The following KDM4B variants were observed in gnomAD, a reference collection of about 807,000 sequenced individuals.
KDM4B encodes lysine-specific demethylase 4B.
In KDM4B, 32 loss-of-function variants were observed where a neutral mutation model predicts 125.2. The observed-to-expected ratio is 0.26, with a 90% CI of 0.19 to 0.34. The LOEUF is 0.34. KDM4B is among the 10% of genes least tolerant of loss of function. The pLI is 1.00. For missense variants in KDM4B, 1,190 were observed against 1,577.7 expected (o/e 0.75, Z 4.16); for synonymous variants, 721 against 677.9 (o/e 1.06, Z -0.99).
intron 6 of KDM4B, among the ~76,000 whole-genome samples, chr19:5,055,567 C>T (rs982542064): frequency 9.9e-5 from 15 of 151,492 alleles, no homozygotes; most frequent in Admixed American, 3.9e-4. Flanking sequence ...TGATGGGGGC[C>T]GGGTGGGCAC....
At chr19:5,121,469 G>A (rs1013780707) in intron 11 of KDM4B, among the ~76,000 whole-genome samples, 3 of 152,174 alleles carry the variant, frequency 2.0e-5, no homozygotes, top group African/African-American at 7.2e-5. Flanking sequence ...ACAGGCAGCC[G>A]CCTGGTGACT....
chr19:5,017,343 A>G (rs1206705732), intron 2 of KDM4B, among the ~76,000 whole-genome samples: 1 of 152,172 alleles, frequency 6.6e-6, no homozygotes, highest in Non-Finnish European at 1.5e-5. Context: ...GTTTTTATAA[A>G]TAAAGTTTTA....
chr19:5,133,245 C>G (rs769099515), intron 13 of KDM4B, among the ~76,000 whole-genome samples: 1 of 152,168 alleles, frequency 6.6e-6, no homozygotes, highest in South Asian at 2.1e-4. Flanking sequence ...GAGACCGCCG[C>G]GGCTTCTCAG....
At chr19:5,087,315 G>T (rs1459313802) in intron 9 of KDM4B, among the ~76,000 whole-genome samples, 1 of 152,234 alleles carries the variant, frequency 6.6e-6, no homozygotes. Context: ...GCAGGAGGAG[G>T]CCTGGTGGCC....
chr19:5,045,618 G>T (rs2037001001), intron 5 of KDM4B, among the ~76,000 whole-genome samples: 1 of 151,722 alleles, frequency 6.6e-6, no homozygotes, highest in African/African-American at 2.4e-5. Context: ...TGGAACTACG[G>T]TGCCCACCAC....
intron 3 of KDM4B, among the ~76,000 whole-genome samples, chr19:5,033,468 T>C (rs146170925): frequency 1.3e-5 from 2 of 152,214 alleles, no homozygotes; most frequent in African/African-American, 4.8e-5. Flanking sequence ...TGGTCCCAGC[T>C]ATTTGGGAGG....
At chr19:4,975,593 ATTT>A (rs10674194) in intron 1 of KDM4B, among the ~76,000 whole-genome samples, 2 of 138,302 alleles carry the variant, frequency 1.4e-5, no homozygotes, top group African/African-American at 2.7e-5. Flanking sequence ...GAGTGAATGA[ATTT>A]TTTTTTTTTT....
intron 6 of KDM4B, among the ~76,000 whole-genome samples, chr19:5,058,849 G>A (rs1055970705): frequency 2.6e-5 from 4 of 152,326 alleles, no homozygotes; most frequent in East Asian, 1.9e-4. Context: ...CAAACCTGGC[G>A]CCCGCTTCCA....
chr19:5,118,032 G>A (rs1034573546), intron 10 of KDM4B, among the ~76,000 whole-genome samples: 2 of 152,148 alleles, frequency 1.3e-5, no homozygotes, highest in African/African-American at 4.8e-5. Flanking sequence ...GAGCAGCGGT[G>A]GGCAGGGGTC....
intron 6 of KDM4B, among the ~76,000 whole-genome samples, chr19:5,069,107 TA>T (rs2037866768): frequency 6.6e-6 from 1 of 152,110 alleles, no homozygotes; most frequent in African/African-American, 2.4e-5. Context: ...AAAGCCCATT[TA>T]AAAAAGAGGA....
intron 3 of KDM4B, among the ~76,000 whole-genome samples, chr19:5,033,538 C>T (rs2036524701): frequency 6.6e-6 from 1 of 151,382 alleles, no homozygotes; most frequent in Non-Finnish European, 1.5e-5. Flanking sequence ...TATGACCGTG[C>T]TACTGCGCTC....
chr19:5,138,807 C>T (rs528919082), intron 18 of KDM4B, among the ~76,000 whole-genome samples: 5 of 152,358 alleles, frequency 3.3e-5, no homozygotes, highest in East Asian at 3.9e-4. Context: ...ACACTTCACA[C>T]GTGCTAAGCA....
chr19:4,998,840 T>C (rs1055785404), intron 1 of KDM4B, among the ~76,000 whole-genome samples: 1 of 152,192 alleles, frequency 6.6e-6, no homozygotes, highest in African/African-American at 2.4e-5. Flanking sequence ...TGATGGTTCC[T>C]CAGGACCAGA....
At chr19:4,987,827 C>T (rs568877878) in intron 1 of KDM4B, among the ~76,000 whole-genome samples, 10 of 152,232 alleles carry the variant, frequency 6.6e-5, no homozygotes, top group African/African-American at 1.9e-4. Context: ...GGCAATGGCT[C>T]AGGAGAAGGG....
At chr19:5,126,680 A>C in intron 11 of KDM4B, among the ~76,000 whole-genome samples, 1 of 152,108 alleles carries the variant, frequency 6.6e-6, no homozygotes, top group South Asian at 2.1e-4. Flanking sequence ...GCTCATAGTG[A>C]GGGGCTGTGA....
At chr19:4,974,357 G>A (rs879693443) in intron 1 of KDM4B, among the ~76,000 whole-genome samples, 13 of 149,266 alleles carry the variant, frequency 8.7e-5, no homozygotes, top group Non-Finnish European at 1.3e-4. Context: ...AGTTGAGATC[G>A]CGCCACTGTA....
chr19:5,148,371 C>T (rs1466481298), intron 21 of KDM4B, among the ~76,000 whole-genome samples: 1 of 152,202 alleles, frequency 6.6e-6, no homozygotes, highest in African/African-American at 2.4e-5. Flanking sequence ...CACTTGGACC[C>T]GGCAGTGTGA....
At chr19:5,039,265 G>A (rs770934438) in intron 3 of KDM4B, among the ~76,000 whole-genome samples, 10 of 152,186 alleles carry the variant, frequency 6.6e-5, no homozygotes, top group African/African-American at 9.7e-5. Context: ...GCAACAAAAT[G>A]AGACTCCATC....
intron 9 of KDM4B, among the ~76,000 whole-genome samples, chr19:5,102,306 A>G (rs559430852): frequency 1.8e-4 from 27 of 152,276 alleles, no homozygotes; most frequent in African/African-American, 3.4e-4. Context: ...CCAGCCTACC[A>G]AGGCATCACT....
Sources: allele counts gnomAD v4.1 joint callset (sites outside exome capture counted in the v4.1 genomes callset), GRCh38; gene constraint gnomAD v4.1.1; transcripts MANE v1.5; gene names NCBI Gene and HGNC (gene_info 2026-07-23, HGNC 2026-07-21).